The following RGS8 variants were observed in gnomAD, a reference collection of about 807,000 sequenced individuals.
RGS8 encodes regulator of G protein signaling 8.
RGS8 carries 8 observed loss-of-function variants against 21.7 expected under a neutral mutation model. The ratio of observed to expected loss-of-function variants is 0.37; its 90% confidence interval spans 0.22 to 0.66. The LOEUF is 0.66. Among genes scored for constraint, RGS8 ranks in the 30% least tolerant of loss-of-function variants. RGS8 has a pLI of 0.59. For synonymous variants in RGS8, 80 were observed against 83.6 expected (o/e 0.96, Z 0.24); for missense variants, 157 against 217.9 (o/e 0.72, Z 1.76).
chr1:182,651,838 T>C (rs1383487072), intron 5 of RGS8, among the ~76,000 whole-genome samples: 2 of 152,212 alleles, frequency 1.3e-5, no homozygotes, highest in Non-Finnish European at 2.9e-5. Flanking sequence ...GAAGCCTCAG[T>C]GCTCTTGGAG....
At chr1:182,737,841 T>G in the RGS8 span, among the ~76,000 whole-genome samples, 1 of 152,020 alleles carries the variant, frequency 6.6e-6, no homozygotes, top group Non-Finnish European at 1.5e-5. Flanking sequence ...TCTGAGGACC[T>G]CAGTTCACCA....
At chr1:182,679,413 T>G (rs1664470089) in intron 1 of RGS8, among the ~76,000 whole-genome samples, 1 of 152,056 alleles carries the variant, frequency 6.6e-6, no homozygotes, top group Non-Finnish European at 1.5e-5. Flanking sequence ...TCTTTTGACT[T>G]CCCAACATTA....
intron 1 of RGS8, among the ~76,000 whole-genome samples, chr1:182,681,286 C>T (rs1183477246): frequency 6.6e-6 from 1 of 152,172 alleles, no homozygotes; most frequent in Non-Finnish European, 1.5e-5. Context: ...GGCTTTCCCT[C>T]CTATCGCTCA....
the RGS8 span, among the ~76,000 whole-genome samples, chr1:182,705,764 C>T: frequency 6.6e-6 from 1 of 152,244 alleles, no homozygotes; most frequent in South Asian, 2.1e-4. Flanking sequence ...CCTTCCAATT[C>T]TTCTCATGGA....
chr1:182,735,364 AAAAAT>A, the RGS8 span, among the ~76,000 whole-genome samples: 2 of 152,250 alleles, frequency 1.3e-5, no homozygotes, highest in Admixed American at 1.3e-4. Context: ...ACTGAAAACT[AAAAAT>A]AAAGATAAAC....
At chr1:182,655,572 C>T (rs952187927) in intron 5 of RGS8, among the ~76,000 whole-genome samples, 1 of 152,182 alleles carries the variant, frequency 6.6e-6, no homozygotes, top group Non-Finnish European at 1.5e-5. Flanking sequence ...AGAAGCTCCA[C>T]GAGTCTCAGC....
the RGS8 span, among the ~76,000 whole-genome samples, chr1:182,702,977 A>G: frequency 6.6e-6 from 1 of 152,232 alleles, no homozygotes; most frequent in Non-Finnish European, 1.5e-5. Context: ...GGGGCAGAAA[A>G]GGAACACTTG....
chr1:182,648,629 T>A (rs1195130725), intron 5 of RGS8, among the ~76,000 whole-genome samples: 1 of 151,968 alleles, frequency 6.6e-6, no homozygotes, highest in Non-Finnish European at 1.5e-5. Context: ...CCCAGCTACT[T>A]GGCAGGGAGG....
the RGS8 span, among the ~76,000 whole-genome samples, chr1:182,718,001 T>C: frequency 2.0e-5 from 3 of 152,148 alleles, no homozygotes; most frequent in East Asian, 5.8e-4. Context: ...AGAATACAAA[T>C]GAAAGGACTA....
the RGS8 span, among the ~76,000 whole-genome samples, chr1:182,723,916 C>T: frequency 2.0e-5 from 3 of 151,856 alleles, no homozygotes; most frequent in Non-Finnish European, 4.4e-5. Flanking sequence ...ATTTGAAAAT[C>T]GGGCAGCCCC....
At chr1:182,726,911 A>AT in the RGS8 span, among the ~76,000 whole-genome samples, 1 of 132,742 alleles carries the variant, frequency 7.5e-6, no homozygotes, top group Non-Finnish European at 1.6e-5. Context: ...TTTGATATAG[A>AT]CTTTTTTTTA....
intron 3 of RGS8, among the ~76,000 whole-genome samples, chr1:182,668,940 G>A (rs932287283): frequency 6.6e-6 from 1 of 152,134 alleles, no homozygotes; most frequent in African/African-American, 2.4e-5. Context: ...CATTCCTTGT[G>A]CCTCAGGATC....
intron 5 of RGS8, among the ~76,000 whole-genome samples, chr1:182,651,228 G>T (rs1662998151): frequency 6.6e-6 from 1 of 152,204 alleles, no homozygotes; most frequent in Admixed American, 6.5e-5. Flanking sequence ...ACAAAGTACA[G>T]ATGCTTCTGA....
At chr1:182,667,708 T>C (rs975444511) in intron 3 of RGS8, among the ~76,000 whole-genome samples, 1 of 152,244 alleles carries the variant, frequency 6.6e-6, no homozygotes, top group African/African-American at 2.4e-5. Flanking sequence ...ATATGTTTTA[T>C]TTTCCAAAGG....
the RGS8 span, among the ~76,000 whole-genome samples, chr1:182,750,224 G>A: frequency 6.6e-6 from 1 of 152,098 alleles, no homozygotes; most frequent in Non-Finnish European, 1.5e-5. Context: ...TACAAAACTG[G>A]AACTGGTCAG....
chr1:182,718,234 G>A, the RGS8 span, among the ~76,000 whole-genome samples: 2 of 152,182 alleles, frequency 1.3e-5, no homozygotes, highest in Non-Finnish European at 2.9e-5. Flanking sequence ...GGCAAGCCAG[G>A]CTCTGTGTCC....
At chr1:182,735,388 A>C in the RGS8 span, among the ~76,000 whole-genome samples, 1 of 152,378 alleles carries the variant, frequency 6.6e-6, no homozygotes, top group South Asian at 2.1e-4. Flanking sequence ...ACGGGGTTAA[A>C]GATATCCATT....
the RGS8 span, among the ~76,000 whole-genome samples, chr1:182,721,006 T>TAC: frequency 8.5e-4 from 57 of 66,772 alleles, 3 homozygotes; most frequent in African/African-American, 2.6e-3. Flanking sequence ...TGTGTATATA[T>TAC]ACATATATAC....
the RGS8 span, among the ~76,000 whole-genome samples, chr1:182,730,252 A>C: frequency 3.3e-5 from 5 of 152,358 alleles, no homozygotes; most frequent in African/African-American, 4.8e-5. Context: ...GAAGGGACTT[A>C]GTACATTATC....
Sources: gnomAD v4.1 joint callset for allele counts (sites outside exome capture counted in the v4.1 genomes callset) on GRCh38, gnomAD v4.1.1 for gene constraint, MANE v1.5 for transcripts, NCBI Gene and HGNC (gene_info 2026-07-23, HGNC 2026-07-21) for gene names.